Variants in LSAMP observed in about 807,000 individuals in gnomAD.
LSAMP encodes limbic system-associated membrane protein.
LSAMP carries 7 observed loss-of-function variants against 38.6 expected under a neutral mutation model. The ratio of observed to expected loss-of-function variants is 0.18; its 90% CI spans 0.10 to 0.34. LSAMP has a LOEUF of 0.34. LSAMP is among the 10% of genes least tolerant of loss of function. The pLI, the probability that LSAMP is intolerant of heterozygous loss-of-function variation, is 1.00. For synonymous variants in LSAMP, 154 were observed against 166.8 expected (o/e 0.92, Z 0.59); for missense variants, 313 against 420.0 (o/e 0.75, Z 2.23).
At chr3:116,132,437 CA>C (rs1369405188) in intron 1 of LSAMP, among the ~76,000 whole-genome samples, 1 of 104,670 alleles carries the variant, frequency 9.6e-6, no homozygotes, top group Non-Finnish European at 2.3e-5. Flanking sequence ...CCCACTGCTC[CA>C]CCCCTGAGGG....
intron 1 of LSAMP, among the ~76,000 whole-genome samples, chr3:116,164,689 AATATATATATATAT>A (rs1296477491): frequency 1.2e-5 from 1 of 84,366 alleles, no homozygotes; most frequent in Non-Finnish European, 2.6e-5. Context: ...ATATAATCCA[AATATATATATATAT>A]AATCCAAATA....
intron 1 of LSAMP, among the ~76,000 whole-genome samples, chr3:116,098,912 G>C (rs921320548): frequency 6.6e-6 from 1 of 152,176 alleles, no homozygotes; most frequent in African/African-American, 2.4e-5. Context: ...AGCCCATCTG[G>C]GAGAGCTCTT....
chr3:116,167,013 G>C (rs180690561), intron 1 of LSAMP, among the ~76,000 whole-genome samples: 2,135 of 152,120 alleles, frequency 0.014, 45 homozygotes, highest in Non-Finnish European at 0.018. Flanking sequence ...GGATGGTCTT[G>C]ATCTCCTGAC....
At chr3:116,270,603 C>T (rs1186130212) in intron 1 of LSAMP, among the ~76,000 whole-genome samples, 1 of 152,002 alleles carries the variant, frequency 6.6e-6, no homozygotes, top group Non-Finnish European at 1.5e-5. Flanking sequence ...ATAATGTATT[C>T]CTAGAAACAC....
rs529603190 is a variant in LSAMP, at chr3:115,810,272, C to T, written c.*45G>A. On this transcript the variant is annotated 3_prime_UTR_variant, in exon 7 of 7. Coordinates refer to ENST00000490035, the MANE Select transcript of LSAMP (RefSeq NM_002338.5). ...CTCTCTCTCTCTGTATTCTGTGTGACGCATTTTTGTGTGTTTTTTAAATTA... is the reference window on the plus strand; with the variant it reads ...CTCTCTCTCTCTGTATTCTGTGTGATGCATTTTTGTGTGTTTTTTAAATTA... 1.4e-4 allele frequency: 185 copies of T among 1,283,106 alleles called. No homozygotes were observed. The highest frequency in any genetic ancestry group is 3.5e-4 in the East Asian group (14 of 39,558). The allele number at this position is 1,283,106 out of a possible 1,614,324, so 79.5% of individuals were successfully genotyped here.
At chr3:116,044,514 T>C (rs1277858597) in intron 2 of LSAMP, among the ~76,000 whole-genome samples, 1 of 151,996 alleles carries the variant, frequency 6.6e-6, no homozygotes. Context: ...TGTGTGTTCA[T>C]GGAGAACCGT....
At chr3:116,420,157 G>A (rs1483847484) in intron 1 of LSAMP, among the ~76,000 whole-genome samples, 1 of 151,442 alleles carries the variant, frequency 6.6e-6, no homozygotes, top group Non-Finnish European at 1.5e-5. Flanking sequence ...GAGTGCAGTG[G>A]CACGATCTCA....
At chr3:115,824,402 C>T (rs1274804219) in intron 6 of LSAMP, among the ~76,000 whole-genome samples, 1 of 152,120 alleles carries the variant, frequency 6.6e-6, no homozygotes, top group African/African-American at 2.4e-5. Flanking sequence ...TAATAAAGAA[C>T]TATATTCCAG....
At chr3:116,109,887 A>T (rs1708560387) in intron 1 of LSAMP, among the ~76,000 whole-genome samples, 1 of 151,612 alleles carries the variant, frequency 6.6e-6, no homozygotes, top group South Asian at 2.1e-4. Flanking sequence ...GGGGCATGGA[A>T]ATAAGGGATT....
rs561424815 is a variant in LSAMP at position 116,221,290 on chromosome 3, T to C, written c.156-134734A>G. Among the ~76,000 whole-genome samples the C allele has an allele frequency of 7.2e-5, 11 of 152,240 alleles. No homozygotes were observed. The East Asian group carries it at 2.1e-3, about 29-fold the overall frequency. ...CTAGAGAAAAATGCAATTAACCCCA[T>C]TTTGTATACAAGAAAATTGAGACTC... On this transcript the variant is annotated intron_variant, in intron 1 of 6. Coordinates refer to ENST00000490035, the MANE Select transcript of LSAMP (RefSeq NM_002338.5).
At chr3:115,900,073 A>C (rs982644097) in intron 3 of LSAMP, among the ~76,000 whole-genome samples, 1 of 152,130 alleles carries the variant, frequency 6.6e-6, no homozygotes, top group East Asian at 1.9e-4. Context: ...TGCTTTTAGG[A>C]TATTTGTTTC....
chr3:116,255,906 T>C (rs1404760989), intron 1 of LSAMP, among the ~76,000 whole-genome samples: 1 of 151,752 alleles, frequency 6.6e-6, no homozygotes, highest in African/African-American at 2.4e-5. Flanking sequence ...TGTTTATTTA[T>C]TTATTTTTTT....
At chr3:115,979,467 T>C (rs1269561854) in intron 3 of LSAMP, among the ~76,000 whole-genome samples, 12 of 152,172 alleles carry the variant, frequency 7.9e-5, no homozygotes, top group African/African-American at 2.7e-4. Context: ...AAGAGTTAGA[T>C]ACAAGTATTG....
intron 1 of LSAMP, among the ~76,000 whole-genome samples, chr3:116,154,753 C>A (rs375247492): frequency 9.9e-5 from 15 of 152,210 alleles, no homozygotes; most frequent in African/African-American, 3.6e-4. Context: ...TCAAAGAGGT[C>A]TCCAAAGTAG....
intron 2 of LSAMP, among the ~76,000 whole-genome samples, chr3:116,054,318 A>T (rs1380065974): frequency 6.6e-6 from 1 of 152,160 alleles, no homozygotes; most frequent in Non-Finnish European, 1.5e-5. Flanking sequence ...CTTCATCTCA[A>T]GTCGTTAATT....
At chr3:115,940,495 G>T (rs1937882404) in intron 3 of LSAMP, among the ~76,000 whole-genome samples, 4 of 152,156 alleles carry the variant, frequency 2.6e-5, no homozygotes, top group Non-Finnish European at 5.9e-5. Context: ...AGTTCTCCAA[G>T]TCCCCACCCG....
At chr3:116,172,510 T>G (rs1340234969) in intron 1 of LSAMP, among the ~76,000 whole-genome samples, 2 of 152,032 alleles carry the variant, frequency 1.3e-5, no homozygotes, top group African/African-American at 4.8e-5. Context: ...TTGCTTTAGC[T>G]TGTGATAGAG....
chr3:116,383,221 A>AT (rs2048584648), intron 1 of LSAMP, among the ~76,000 whole-genome samples: 1 of 152,114 alleles, frequency 6.6e-6, no homozygotes, highest in African/African-American at 2.4e-5. Flanking sequence ...ACTTTGAAGT[A>AT]TTTTTTCGTA....
At chr3:116,404,106 G>T (rs1920189) in intron 1 of LSAMP, among the ~76,000 whole-genome samples, 126,080 of 152,002 alleles carry the variant, frequency 0.83, 52,509 homozygotes, top group South Asian at 0.93. Context: ...AATTCATAAA[G>T]AAATCAGAAA....
Sources: gnomAD v4.1 joint callset for allele counts (sites outside exome capture counted in the v4.1 genomes callset) on GRCh38, gnomAD v4.1.1 for gene constraint, MANE v1.5 for transcripts, NCBI Gene and HGNC (gene_info 2026-07-23, HGNC 2026-07-21) for gene names.